Variants in LRCH1 observed in about 807,000 individuals in gnomAD.
The protein encoded by LRCH1 is leucine rich repeats and calponin homology domain containing 1, also known as leucine-rich repeat and calponin homology domain-containing protein 1.
Under a neutral mutation model 94.9 loss-of-function variants are expected in LRCH1, and 23 were observed. The observed-to-expected ratio is 0.24, with a 90% confidence interval of 0.17 to 0.34. LRCH1 has a LOEUF of 0.34. Among genes scored for constraint, LRCH1 ranks in the 10% least tolerant of loss-of-function variants. LRCH1 has a pLI of 1.00. For missense variants in LRCH1, 790 were observed against 945.9 expected, an observed-to-expected ratio of 0.84 and a Z score of 2.16; for synonymous variants, 364 against 354.9, an observed-to-expected ratio of 1.03 and a Z score of -0.29.
chr13:46,702,501 CA>C (rs1383694282), intron 11 of LRCH1, among the ~76,000 whole-genome samples: 5 of 151,550 alleles, frequency 3.3e-5, no homozygotes, highest in African/African-American at 1.2e-4. Context: ...AACTGTGTCT[CA>C]AAAAAATAAT....
intron 1 of LRCH1, among the ~76,000 whole-genome samples, chr13:46,558,192 C>A (rs1313616865): frequency 6.6e-6 from 1 of 152,148 alleles, no homozygotes; most frequent in Non-Finnish European, 1.5e-5. Flanking sequence ...TACAGGAATA[C>A]ATGAGATGCT....
chr13:46,706,701 G>C (rs1395979423), intron 13 of LRCH1, among the ~76,000 whole-genome samples: 1 of 151,932 alleles, frequency 6.6e-6, no homozygotes, highest in Non-Finnish European at 1.5e-5. Context: ...GAGATTACAG[G>C]TGGCTCACAC....
At chr13:46,594,610 G>C (rs2050538392) in intron 1 of LRCH1, among the ~76,000 whole-genome samples, 1 of 152,162 alleles carries the variant, frequency 6.6e-6, no homozygotes, top group African/African-American at 2.4e-5. Context: ...GGTGGAGAGA[G>C]AGATGACTTC....
chr13:46,584,882 A>G (rs1368867442), intron 1 of LRCH1, among the ~76,000 whole-genome samples: 1 of 152,228 alleles, frequency 6.6e-6, no homozygotes, highest in Non-Finnish European at 1.5e-5. Context: ...GCTATATGTA[A>G]AATATGGATG....
intron 1 of LRCH1, among the ~76,000 whole-genome samples, chr13:46,556,454 C>T (rs2050066741): frequency 1.3e-5 from 2 of 152,136 alleles, no homozygotes; most frequent in African/African-American, 4.8e-5. Flanking sequence ...AGAGTCTAGT[C>T]TTTTAATAGG....
Position 46,741,576 on chromosome 13 carries a change from G to A in LRCH1, c.2086-66G>A, listed in dbSNP as rs140746642. 7 of 1,598,588 alleles carry A rather than the reference G, an allele frequency of 4.4e-6. No homozygotes were observed. The African/African-American group carries it at 5.4e-5, about 12-fold the overall frequency. ...CAAAAATGTGTGCTTCTTTCTAGCT[G>A]TTCCTCCGTGTATTTTTAATTGTAT... On this transcript the variant is annotated intron_variant, in intron 19 of 19. Coordinates refer to ENST00000389797, the MANE Select transcript of LRCH1 (RefSeq NM_001164211.2).
intron 3 of LRCH1, among the ~76,000 whole-genome samples, chr13:46,680,928 T>A (rs1397200062): frequency 6.6e-6 from 1 of 152,128 alleles, no homozygotes; most frequent in Non-Finnish European, 1.5e-5. Context: ...TGGTCTACAC[T>A]GCAGGAGTAG....
intron 9 of LRCH1, among the ~76,000 whole-genome samples, chr13:46,695,690 A>G (rs1183636189): frequency 6.6e-6 from 1 of 152,170 alleles, no homozygotes; most frequent in Non-Finnish European, 1.5e-5. Context: ...TTGTTTTTGT[A>G]AAATTCAGAT....
At chr13:46,569,596 C>T (rs1364162944) in intron 1 of LRCH1, among the ~76,000 whole-genome samples, 1 of 152,056 alleles carries the variant, frequency 6.6e-6, no homozygotes, top group East Asian at 1.9e-4. Flanking sequence ...TTGCCCAGAC[C>T]CCTCCTGTGG....
At chr13:46,602,762 G>A (rs917705414) in intron 1 of LRCH1, among the ~76,000 whole-genome samples, 2 of 152,110 alleles carry the variant, frequency 1.3e-5, no homozygotes, top group African/African-American at 2.4e-5. Flanking sequence ...AGACTAGATT[G>A]GGCAACATGG....
chr13:46,703,306 A>G (rs1305081734), intron 11 of LRCH1, among the ~76,000 whole-genome samples: 7 of 152,234 alleles, frequency 4.6e-5, no homozygotes, highest in African/African-American at 1.7e-4. Context: ...TTTTAAACAT[A>G]GCTGCACCAT....
intron 1 of LRCH1, among the ~76,000 whole-genome samples, chr13:46,641,223 T>C (rs2051154168): frequency 6.6e-6 from 1 of 152,132 alleles, no homozygotes; most frequent in Non-Finnish European, 1.5e-5. Context: ...AAGATGTAGC[T>C]GCGATTCTTC....
At chr13:46,695,166 G>T in intron 9 of LRCH1, 149 bp downstream of exon 9, 1 of 881,222 alleles carries the variant, frequency 1.1e-6, no homozygotes, top group Non-Finnish European at 1.7e-6. Context: ...AGCGCTCAGC[G>T]TGTCTATTTG....
chr13:46,685,878 C>CT (rs766841946), intron 4 of LRCH1, 27 bp from the exon 5 acceptor site: 33 of 1,463,478 alleles, frequency 2.3e-5, no homozygotes, highest in Non-Finnish European at 2.6e-5. Flanking sequence ...TTTTTTCTTT[C>CT]TTTTTTTCTT....
chr13:46,565,727 C>T (rs79275107), intron 1 of LRCH1, among the ~76,000 whole-genome samples: 12,439 of 151,442 alleles, frequency 0.082, 603 homozygotes, highest in African/African-American at 0.13. Flanking sequence ...AAGAGAATCG[C>T]TTGAACTGGG....
chr13:46,563,322 C>T (rs2050148891), intron 1 of LRCH1, among the ~76,000 whole-genome samples: 1 of 152,096 alleles, frequency 6.6e-6, no homozygotes. Flanking sequence ...CAAAGCCTTT[C>T]AGCCCTTAGC....
At chr13:46,574,568 T>C (rs1594254524) in intron 1 of LRCH1, among the ~76,000 whole-genome samples, 1 of 152,288 alleles carries the variant, frequency 6.6e-6, no homozygotes, top group Middle Eastern at 3.4e-3. Flanking sequence ...AAGAGCACTT[T>C]TTTTCTTTAT....
chr13:46,635,021 A>G (rs2051066473), intron 1 of LRCH1, among the ~76,000 whole-genome samples: 1 of 152,140 alleles, frequency 6.6e-6, no homozygotes, highest in Non-Finnish European at 1.5e-5. Flanking sequence ...AAAAGTTATT[A>G]TTATCTCCAT....
intron 4 of LRCH1, among the ~76,000 whole-genome samples, chr13:46,684,476 T>C (rs889475241): frequency 1.3e-5 from 2 of 152,204 alleles, no homozygotes; most frequent in African/African-American, 4.8e-5. Flanking sequence ...TGCTTTGAAG[T>C]CTTCATTTTA....
Sources: gnomAD v4.1 joint callset for allele counts (sites outside exome capture counted in the v4.1 genomes callset) on GRCh38, gnomAD v4.1.1 for gene constraint, MANE v1.5 for transcripts, NCBI Gene and HGNC (gene_info 2026-07-23, HGNC 2026-07-21) for gene names.